CCDC77: variants seen among roughly 807,000 people sequenced by gnomAD.
CCDC77 encodes the protein coiled-coil domain containing 77.
CCDC77 carries 56 observed loss-of-function variants against 66.8 expected under a neutral mutation model. That is an observed-to-expected ratio of 0.84 (90% CI 0.68 to 1.05). The LOEUF (loss-of-function observed/expected upper bound fraction) is 1.05, where lower values mean the gene tolerates loss of function less well. Among genes scored for constraint, CCDC77 ranks in the 50% least tolerant of loss-of-function variants. The probability of loss-of-function intolerance (pLI) is 0.00; values close to 1 mark genes in which losing one functional copy is unlikely to be tolerated. For synonymous variants in CCDC77, 196 were observed against 195.2 expected, an observed-to-expected ratio of 1.00 and a Z score of -0.03; for missense variants, 570 against 576.8, an observed-to-expected ratio of 0.99 and a Z score of 0.12.
At chr12:424,403 C>CT (rs1945491419) in intron 5 of CCDC77, among the ~76,000 whole-genome samples, 1 of 150,132 alleles carries the variant, frequency 6.7e-6, no homozygotes, top group South Asian at 2.1e-4. Context: ...GGGTATCACT[C>CT]TGTCGGCCAG....
At chr12:416,799 T>C (rs1945294310) in intron 4 of CCDC77, among the ~76,000 whole-genome samples, 1 of 152,128 alleles carries the variant, frequency 6.6e-6, no homozygotes, top group Non-Finnish European at 1.5e-5. Flanking sequence ...ACTTGCTATT[T>C]CTATGAATTA....
chr12:427,105 C>T (rs1013382747), intron 5 of CCDC77, among the ~76,000 whole-genome samples: 7 of 152,054 alleles, frequency 4.6e-5, no homozygotes, highest in Non-Finnish European at 7.4e-5. Context: ...ATTAGCTGGG[C>T]ATTGTGGCAT....
chr12:434,162 T>TAAA (rs35839353), intron 9 of CCDC77, among the ~76,000 whole-genome samples: 1 of 147,240 alleles, frequency 6.8e-6, no homozygotes, highest in African/African-American at 2.5e-5. Flanking sequence ...GCACATACTT[T>TAAA]AAAAAAAAAA....
intron 12 of CCDC77, among the ~76,000 whole-genome samples, 162 bp from the exon 13 acceptor site, chr12:441,612 A>C (rs1945858963): frequency 6.6e-6 from 1 of 151,846 alleles, no homozygotes; most frequent in African/African-American, 2.4e-5. Flanking sequence ...TTAATTCTAC[A>C]TTTTCCTTCT....
intron 1 of CCDC77, among the ~76,000 whole-genome samples, chr12:402,875 C>T (rs555169283): frequency 6.6e-6 from 1 of 152,152 alleles, no homozygotes; most frequent in Non-Finnish European, 1.5e-5. Flanking sequence ...AAGTTGCCAA[C>T]TCCCGGTTGC....
chr12:428,220 A>G (rs1342537767), intron 5 of CCDC77, among the ~76,000 whole-genome samples: 10 of 152,100 alleles, frequency 6.6e-5, no homozygotes, highest in African/African-American at 2.4e-4. Context: ...TTTTAGAATT[A>G]GCTAAGAAGT....
intron 1 of CCDC77, among the ~76,000 whole-genome samples, chr12:393,870 T>C (rs1944792285): frequency 6.6e-6 from 1 of 152,222 alleles, no homozygotes; most frequent in African/African-American, 2.4e-5. Context: ...CCAGTCATGC[T>C]TTTGTAACAT....
intron 4 of CCDC77, among the ~76,000 whole-genome samples, chr12:414,556 A>G (rs1042995861): frequency 2.6e-5 from 4 of 152,118 alleles, no homozygotes; most frequent in African/African-American, 9.7e-5. Flanking sequence ...TGCATACGGG[A>G]TGATGACTGT....
At position 429,514 on chromosome 12, in the gene CCDC77, G is replaced by A. The variant is rs571211473; in HGVS notation, c.510+649G>A. ...CTCATTCTGTTACATAGGTTGGAGT[G>A]CAATGCGCAATCTCGGCTCACTGCA... On this transcript the variant is annotated intron_variant, in intron 6 of 12. Coordinates refer to ENST00000239830, the MANE Select transcript of CCDC77 (RefSeq NM_032358.4). Among the ~76,000 whole-genome samples the A allele has an allele frequency of 2.8e-3, 418 of 149,564 alleles. 3 individuals carry two copies. The highest frequency in any genetic ancestry group is 0.01 in the African/African-American group (407 of 40,602).
At chr12:440,451 G>C (rs111609356) in intron 10 of CCDC77, among the ~76,000 whole-genome samples, 166 bp from the exon 11 acceptor site, 5 of 152,314 alleles carry the variant, frequency 3.3e-5, no homozygotes, top group African/African-American at 1.2e-4. Context: ...GACTGGTCTA[G>C]AAGTAGATTT....
At chr12:437,078 A>G (rs1243411245) in intron 9 of CCDC77, among the ~76,000 whole-genome samples, 3 of 152,180 alleles carry the variant, frequency 2.0e-5, no homozygotes, top group Non-Finnish European at 2.9e-5. Flanking sequence ...TCTGTTACTC[A>G]TGAAAATAAG....
chr12:395,277 G>A (rs1253216270), intron 1 of CCDC77: 1 of 152,246 alleles, frequency 6.6e-6, no homozygotes, highest in African/African-American at 2.4e-5. Flanking sequence ...TCTATAGAGA[G>A]AGGGTCTGGC....
chr12:426,517 T>C (rs540827765), intron 5 of CCDC77, among the ~76,000 whole-genome samples: 1 of 152,284 alleles, frequency 6.6e-6, no homozygotes, highest in East Asian at 1.9e-4. Flanking sequence ...TTATTGATCG[T>C]CTTGACTGGG....
intron 7 of CCDC77, 120 bp from the exon 8 acceptor site, chr12:431,746 C>A: frequency 1.6e-6 from 1 of 616,818 alleles, no homozygotes; most frequent in Non-Finnish European, 2.9e-6. Context: ...AGTGAGAACC[C>A]CTTCATTACC....
At chr12:428,712 A>G in intron 5 of CCDC77, 57 bp from the exon 6 acceptor site, 1 of 1,191,604 alleles carries the variant, frequency 8.4e-7, no homozygotes. Context: ...TAAACAGAAA[A>G]AGGTTACTTA....
intron 1 of CCDC77, among the ~76,000 whole-genome samples, chr12:392,980 T>C (rs1944777356): frequency 6.6e-6 from 1 of 150,478 alleles, no homozygotes; most frequent in Admixed American, 6.7e-5. Flanking sequence ...TTTTAACATT[T>C]GGCTTAGCAG....
intron 3 of CCDC77, among the ~76,000 whole-genome samples, chr12:410,910 C>G (rs1945095264): frequency 6.6e-6 from 1 of 152,100 alleles, no homozygotes; most frequent in African/African-American, 2.4e-5. Context: ...AGTTTATATT[C>G]TGTTTTTTTA....
chr12:419,398 C>T (rs1244427969), intron 5 of CCDC77, among the ~76,000 whole-genome samples: 1 of 152,242 alleles, frequency 6.6e-6, no homozygotes, highest in East Asian at 1.9e-4. Context: ...GGAGTCATAG[C>T]AGTACACTAC....
intron 3 of CCDC77, 123 bp downstream of exon 3, chr12:409,544 GT>G: frequency 1.2e-6 from 1 of 869,258 alleles, no homozygotes; most frequent in Non-Finnish European, 1.8e-6. Context: ...TTGAGACAGA[GT>G]TTCACTCTGT....
Sources: allele counts gnomAD v4.1 joint callset (sites outside exome capture counted in the v4.1 genomes callset), GRCh38; gene constraint gnomAD v4.1.1; transcripts MANE v1.5; gene names NCBI Gene and HGNC (gene_info 2026-07-23, HGNC 2026-07-21).